Variants in MSRA observed in about 807,000 individuals in gnomAD.
The protein encoded by MSRA is mitochondrial peptide methionine sulfoxide reductase.
Under a neutral mutation model 31.3 loss-of-function variants are expected in MSRA, and 54 were observed. The ratio of observed to expected loss-of-function variants is 1.73; its 90% CI spans 1.39 to 2.17. MSRA has a LOEUF of 2.17. Ranked by LOEUF, MSRA falls within the 30% of genes most tolerant of loss-of-function variation. The pLI, the probability that MSRA is intolerant of heterozygous loss-of-function variation, is 0.00. For synonymous variants in MSRA, 169 were observed against 116.5 expected (o/e 1.45, Z -2.90); for missense variants, 507 against 300.9 (o/e 1.69, Z -5.07).
chr8:10,379,859 A>T (rs1038496665), intron 5 of MSRA, among the ~76,000 whole-genome samples: 7 of 152,184 alleles, frequency 4.6e-5, no homozygotes, highest in African/African-American at 1.7e-4. Context: ...TTCGAACTTC[A>T]TGACATAGCA....
intron 3 of MSRA, among the ~76,000 whole-genome samples, chr8:10,269,742 C>G (rs1050696919): frequency 1.1e-4 from 16 of 152,334 alleles, no homozygotes; most frequent in African/African-American, 3.8e-4. Flanking sequence ...GCTCCACCTC[C>G]CGGGGTTCAC....
intron 1 of MSRA, among the ~76,000 whole-genome samples, chr8:10,076,413 C>T (rs182429169): frequency 6.0e-4 from 91 of 152,320 alleles, no homozygotes; most frequent in African/African-American, 2.1e-3. Context: ...GAGCTCCAGC[C>T]TTCTTTTTGG....
intron 1 of MSRA, among the ~76,000 whole-genome samples, chr8:10,173,319 C>T (rs1431033755): frequency 1.3e-5 from 2 of 152,240 alleles, no homozygotes; most frequent in African/African-American, 2.4e-5. Flanking sequence ...AGCAATATCA[C>T]ACCCAGTTAC....
intron 1 of MSRA, among the ~76,000 whole-genome samples, chr8:10,149,679 G>T (rs962675198): frequency 1.3e-5 from 2 of 151,898 alleles, no homozygotes; most frequent in African/African-American, 4.8e-5. Context: ...CTGTCCATTT[G>T]TAGTGGTGGT....
intron 3 of MSRA, among the ~76,000 whole-genome samples, chr8:10,267,108 C>A (rs1197453707): frequency 6.6e-6 from 1 of 152,180 alleles, no homozygotes. Flanking sequence ...TCTCAGACTC[C>A]AGTTTAAAAC....
chr8:10,264,123 C>T (rs1231125967), intron 3 of MSRA, among the ~76,000 whole-genome samples: 4 of 152,142 alleles, frequency 2.6e-5, no homozygotes. Flanking sequence ...TTGATTACTC[C>T]AAAGCTTTGA....
chr8:10,122,133 C>G (rs1258592308), intron 1 of MSRA, among the ~76,000 whole-genome samples: 1 of 152,004 alleles, frequency 6.6e-6, no homozygotes, highest in Admixed American at 6.6e-5. Context: ...GCAGAGCTAC[C>G]CAGCATGCTG....
At chr8:10,393,353 C>T (rs1026387169) in intron 5 of MSRA, among the ~76,000 whole-genome samples, 1 of 152,136 alleles carries the variant, frequency 6.6e-6, no homozygotes, top group East Asian at 1.9e-4. Context: ...AGACTCAAAT[C>T]CAAAGTTATT....
intron 1 of MSRA, among the ~76,000 whole-genome samples, chr8:10,130,584 C>T (rs904877186): frequency 2.0e-5 from 3 of 152,176 alleles, no homozygotes; most frequent in South Asian, 2.1e-4. Context: ...CAAGACATTT[C>T]GACGGAAAAA....
intron 1 of MSRA, among the ~76,000 whole-genome samples, chr8:10,068,185 ATTG>A (rs1563392975): frequency 6.6e-6 from 1 of 152,038 alleles, no homozygotes. Context: ...TGAGTGGCCT[ATTG>A]TTGAGTTTTA....
Position 10,237,926 on chromosome 8 carries a change from C to A in MSRA, c.212-7178C>A, listed in dbSNP as rs1158104460. ...GCATCTGTGCTTGGTTCACTCTAGT[C>A]TATTCTCAACCGAGGACAGCCAGAG... On this transcript the variant is annotated intron_variant, in intron 2 of 5. Transcript: ENST00000317173. 2.0e-5 allele frequency among the ~76,000 whole-genome samples: 3 copies of A among 152,198 alleles called. 1 individual carries two copies. In the East Asian group the frequency reaches 5.8e-4, roughly 29 times the overall value.
intron 5 of MSRA, among the ~76,000 whole-genome samples, chr8:10,419,449 C>G (rs1585739369): frequency 6.6e-6 from 1 of 152,124 alleles, no homozygotes; most frequent in Non-Finnish European, 1.5e-5. Flanking sequence ...TAAGTAAGGT[C>G]CCTAACTGCT....
chr8:10,065,231 G>T (rs1482026544), intron 1 of MSRA, among the ~76,000 whole-genome samples: 4 of 152,100 alleles, frequency 2.6e-5, no homozygotes, highest in African/African-American at 9.7e-5. Flanking sequence ...AGGTGGTCCT[G>T]ATAACAGAGG....
intron 1 of MSRA, among the ~76,000 whole-genome samples, chr8:10,191,647 A>G (rs931792070): frequency 1.3e-5 from 2 of 152,168 alleles, no homozygotes; most frequent in Non-Finnish European, 2.9e-5. Flanking sequence ...AAAATAAACC[A>G]CATAGAGATA....
At chr8:10,088,940 T>A (rs1354056014) in intron 1 of MSRA, among the ~76,000 whole-genome samples, 1 of 152,158 alleles carries the variant, frequency 6.6e-6, no homozygotes, top group African/African-American at 2.4e-5. Flanking sequence ...AGATCTCAAA[T>A]ATTAATACAC....
intron 3 of MSRA, among the ~76,000 whole-genome samples, chr8:10,291,699 A>T (rs1800245264): frequency 6.6e-6 from 1 of 152,034 alleles, no homozygotes; most frequent in Non-Finnish European, 1.5e-5. Context: ...AAACACCTGG[A>T]TCATTCTGTG....
Position 10,319,935 on chromosome 8 carries a change from G to A in MSRA, c.489G>A (p.Pro163=), listed in dbSNP as rs267601680. 2.5e-6 allele frequency: 4 copies of A among 1,601,110 alleles called. No individual in the cohort carries two copies. The highest frequency in any genetic ancestry group is 1.3e-5 in the African/African-American group (1 of 74,568). Residue 163 remains proline, a synonymous_variant, in exon 5 of 6, where the codon CCG becomes CCA. Coordinates refer to ENST00000317173, the MANE Select transcript of MSRA (RefSeq NM_012331.5). ...HGTQYRSAIY[P]TSAKQMEAAL... Reference sequence around the variant, plus strand: ...CTCAGTACCGCTCGGCCATCTACCCGACCTCTGCCAAGCAAATGGAGGCAG... The same window carrying A: ...CTCAGTACCGCTCGGCCATCTACCCAACCTCTGCCAAGCAAATGGAGGCAG...
intron 5 of MSRA, among the ~76,000 whole-genome samples, chr8:10,387,244 T>A (rs551940310): frequency 6.6e-6 from 1 of 152,372 alleles, no homozygotes; most frequent in Non-Finnish European, 1.5e-5. Flanking sequence ...AAATCTCTAT[T>A]TGAACAGTTC....
intron 1 of MSRA, among the ~76,000 whole-genome samples, chr8:10,174,176 A>G (rs1436751044): frequency 6.6e-6 from 1 of 152,076 alleles, no homozygotes; most frequent in Non-Finnish European, 1.5e-5. Context: ...CCAAACAGGG[A>G]TTTGAGTATT....
Sources: gnomAD v4.1 joint callset for allele counts (sites outside exome capture counted in the v4.1 genomes callset) on GRCh38, gnomAD v4.1.1 for gene constraint, MANE v1.5 for transcripts, NCBI Gene and HGNC (gene_info 2026-07-23, HGNC 2026-07-21) for gene names.